Variants in ARHGEF28 observed in about 807,000 individuals in gnomAD.
ARHGEF28 encodes 190 kDa guanine nucleotide exchange factor.
In ARHGEF28, 152 loss-of-function variants were observed where a neutral mutation model predicts 206.6. That is an observed-to-expected ratio of 0.74 (90% CI 0.64 to 0.84). ARHGEF28 has a LOEUF of 0.84. Among genes scored for constraint, ARHGEF28 ranks in the 40% least tolerant of loss-of-function variants. ARHGEF28 has a pLI of 0.00. For synonymous variants in ARHGEF28, 763 were observed against 776.4 expected, an observed-to-expected ratio of 0.98 and a Z score of 0.29; for missense variants, 2,028 against 2,073.2, an observed-to-expected ratio of 0.98 and a Z score of 0.42.
chr5:73,789,459 T>C (rs955886488), intron 7 of ARHGEF28, among the ~76,000 whole-genome samples: 1 of 152,132 alleles, frequency 6.6e-6, no homozygotes, highest in Non-Finnish European at 1.5e-5. Flanking sequence ...GGTTTTCTCA[T>C]TGGAGTGATG....
At position 73,940,997 on chromosome 5, in the gene ARHGEF28, A is replaced by C; in HGVS notation, c.5102A>C (p.Asn1701Thr). ...DGETGDGAKE[N>T]IVYL ...GAAACTGGAGATGGAGCCAAAGAAA[A>C]TATTGTTTACCTCTAATTGTGTTGT... The change falls in exon 36 of 36, where the codon AAT becomes ACT. Residue 1701 changes from asparagine to threonine, a missense_variant. By Grantham distance (65) the Asn-to-Thr change is moderately conservative. Around this residue, in one of 3 missense-constraint regions of ARHGEF28, gnomAD observed 803 missense variants for 768.0 expected, o/e 1.05. Coordinates refer to ENST00000513042, the MANE Select transcript of ARHGEF28 (RefSeq NM_001177693.2). 6.6e-7 allele frequency: 1 copy of C among 1,517,126 alleles called. No individual in the cohort carries two copies. Among genetic ancestry groups the C allele is most frequent in the Non-Finnish European group, 8.8e-7 (1 of 1,141,316 alleles). The allele number at this position is 1,517,126 out of a possible 1,614,324, so 94.0% of individuals were successfully genotyped here.
intron 14 of ARHGEF28, among the ~76,000 whole-genome samples, chr5:73,856,916 G>A (rs1289013257): frequency 1.3e-5 from 2 of 152,136 alleles, no homozygotes; most frequent in Admixed American, 1.3e-4. Context: ...ATTATCAGAG[G>A]AAGCTCTAGG....
intron 33 of ARHGEF28, among the ~76,000 whole-genome samples, chr5:73,906,599 A>T (rs1003832135): frequency 6.6e-6 from 1 of 152,254 alleles, no homozygotes; most frequent in African/African-American, 2.4e-5. Flanking sequence ...TTTGAAATAA[A>T]TTGGAGAGAA....
At chr5:73,901,058 CA>C (rs1762239168) in intron 30 of ARHGEF28, 125 bp from the exon 31 acceptor site, 2 of 709,322 alleles carry the variant, frequency 2.8e-6, no homozygotes, top group African/African-American at 3.6e-5. Context: ...TAAGAATACT[CA>C]ATATGTATTA....
chr5:73,888,663 A>G (rs1257960611), intron 26 of ARHGEF28, among the ~76,000 whole-genome samples: 1 of 152,260 alleles, frequency 6.6e-6, no homozygotes, highest in Non-Finnish European at 1.5e-5. Flanking sequence ...AGTAGATAAT[A>G]TAAATACAAC....
intron 1 of ARHGEF28, among the ~76,000 whole-genome samples, chr5:73,678,758 T>G (rs1442218471): frequency 6.6e-6 from 1 of 152,172 alleles, no homozygotes; most frequent in East Asian, 1.9e-4. Context: ...AAAGGCTCAC[T>G]TTTTAGGTGC....
intron 2 of ARHGEF28, among the ~76,000 whole-genome samples, chr5:73,738,438 C>CATTGCTTGGCA (rs1751149849): frequency 6.6e-6 from 1 of 151,724 alleles, no homozygotes; most frequent in Non-Finnish European, 1.5e-5. Flanking sequence ...TTACAATGAG[C>CATTGCTTGGCA]ATTGCTTGGC....
intron 10 of ARHGEF28, 85 bp downstream of exon 10, chr5:73,832,544 T>A: frequency 6.6e-7 from 1 of 1,509,348 alleles, no homozygotes; most frequent in East Asian, 2.4e-5. Flanking sequence ...ATTGTTGTGT[T>A]CCTTTGACAA....
intron 29 of ARHGEF28, among the ~76,000 whole-genome samples, chr5:73,894,812 G>A (rs1017690715): frequency 6.6e-6 from 1 of 152,222 alleles, no homozygotes; most frequent in Non-Finnish European, 1.5e-5. Context: ...GGGTGATGGA[G>A]TTGGGATCGC....
intron 31 of ARHGEF28, chr5:73,902,621 A>G (rs1461971780): frequency 6.6e-6 from 1 of 152,242 alleles, no homozygotes; most frequent in African/African-American, 2.4e-5. Flanking sequence ...ATATTTTGTC[A>G]TTAGCTTCCT....
At chr5:73,743,274 C>T (rs1751541574) in intron 2 of ARHGEF28, among the ~76,000 whole-genome samples, 1 of 152,146 alleles carries the variant, frequency 6.6e-6, no homozygotes. Context: ...CATCCCTTTA[C>T]AGATATTACC....
At chr5:73,686,326 C>T (rs1210632599) in intron 2 of ARHGEF28, among the ~76,000 whole-genome samples, 1 of 152,002 alleles carries the variant, frequency 6.6e-6, no homozygotes. Context: ...TACCTCAAAA[C>T]AGACAAATCC....
rs138709477 is a variant in ARHGEF28 at position 73,728,316 on chromosome 5, G to A, written c.34-21521G>A. ...TAGTAAAGAAATGGTCAGGCTAGTG[G>A]CTGATTAAATGGGTCACAACTGGTG... On this transcript the variant is annotated intron_variant, in intron 2 of 35. Transcript: ENST00000513042. 3.8e-3 allele frequency among the ~76,000 whole-genome samples: 579 copies of A among 152,274 alleles called. 3 individuals carry two copies. Among genetic ancestry groups the A allele is most frequent in the African/African-American group, 0.013 (555 of 41,548 alleles).
chr5:73,706,920 A>T (rs1184398784), intron 2 of ARHGEF28, among the ~76,000 whole-genome samples: 7 of 152,186 alleles, frequency 4.6e-5, no homozygotes, highest in Admixed American at 4.6e-4. Context: ...TTGAGTCCTT[A>T]ACTTGCAGGG....
At chr5:73,698,143 C>T (rs1164591676) in intron 2 of ARHGEF28, among the ~76,000 whole-genome samples, 5 of 152,082 alleles carry the variant, frequency 3.3e-5, no homozygotes, top group African/African-American at 1.2e-4. Flanking sequence ...ATTTCCAATT[C>T]AGATTCCTCT....
chr5:73,869,432 G>A (rs1759938488), intron 20 of ARHGEF28, among the ~76,000 whole-genome samples: 1 of 152,150 alleles, frequency 6.6e-6, no homozygotes, highest in Non-Finnish European at 1.5e-5. Context: ...TCCAGATTCT[G>A]TAGACACATT....
rs763214705 is a variant in ARHGEF28, at chr5:73,840,502, A to G, written c.1169A>G (p.Tyr390Cys). The G allele has an allele frequency of 5.0e-6, 8 of 1,613,884 alleles. No homozygotes were observed. The highest frequency in any genetic ancestry group is 6.8e-6 in the Non-Finnish European group (8 of 1,179,828). ...IDQVGDLDIS[Y>C]INIEGITATT... ...CAGGTTGGTGATTTGGATATCAGCT[A>G]TATTAATATAGAGGGAATCACTGCC... The change falls in exon 11 of 36, where the codon TAT becomes TGT. Residue 390 changes from tyrosine (Y) to cysteine (C), a missense_variant. By Grantham distance (194) the Tyr-to-Cys change is radical (BLOSUM62 -2). Around this residue, in one of 3 missense-constraint regions of ARHGEF28, gnomAD observed 1,002 missense variants for 1,015.3 expected, o/e 0.99. Transcript: ENST00000513042.
intron 3 of ARHGEF28, among the ~76,000 whole-genome samples, chr5:73,751,154 A>G (rs773127035): frequency 5.9e-5 from 9 of 152,244 alleles, no homozygotes; most frequent in Non-Finnish European, 1.3e-4. Context: ...TCATGCCTGT[A>G]ATCCCAGCAC....
chr5:73,911,675 T>A (rs1253288660), intron 35 of ARHGEF28, 100 bp downstream of exon 35: 17 of 1,231,834 alleles, frequency 1.4e-5, no homozygotes, highest in Non-Finnish European at 1.9e-5. Flanking sequence ...CTCCCTAGCA[T>A]GGGAATAAAT....
Sources: gnomAD v4.1 joint callset for allele counts (sites outside exome capture counted in the v4.1 genomes callset) on GRCh38, gnomAD v4.1.1 for gene constraint, gnomAD v4.1.1 regional missense constraint, MANE v1.5 for transcripts, NCBI Gene and HGNC (gene_info 2026-07-23, HGNC 2026-07-21) for gene names.